The following TIMM17A variants were observed in gnomAD, a reference collection of about 807,000 sequenced individuals.
TIMM17A encodes the protein mitochondrial import inner membrane translocase subunit Tim17-A.
TIMM17A carries 15 observed loss-of-function variants against 26.5 expected under a neutral mutation model. The observed-to-expected ratio is 0.57, with a 90% CI of 0.38 to 0.87. The LOEUF is 0.87. Ranked by LOEUF, TIMM17A falls within the 40% of genes least tolerant of loss-of-function variation. The pLI is 0.00. For missense variants in TIMM17A, 201 were observed against 210.0 expected (o/e 0.96, Z 0.27); for synonymous variants, 80 against 70.8 (o/e 1.13, Z -0.66).
intron 2 of TIMM17A, 32 bp from the exon 3 acceptor site, chr1:201,957,479 T>C (rs754004257): frequency 6.2e-7 from 1 of 1,607,242 alleles, no homozygotes; most frequent in African/African-American, 1.3e-5. Flanking sequence ...ACTTCTAATA[T>C]ATTTTTTGTT....
In TIMM17A at chr1:201,960,712, C is replaced by A. The variant is rs543525035; in HGVS notation, c.191-2904C>A. ...ATTCAGATCAAGGTGCAGGGAGGGA[C>A]AGGCAGTATGGGAAAATCATAGTTG... On this transcript the variant is annotated intron_variant, in intron 3 of 5. Transcript: ENST00000367287. 3.3e-5 allele frequency among the ~76,000 whole-genome samples: 5 copies of A among 151,902 alleles called. No individual in the cohort carries two copies. In the South Asian group the frequency reaches 8.4e-4, roughly 25 times the overall value.
rs1381966359 is a variant in TIMM17A, at chr1:201,961,829, A to G, written c.191-1787A>G. On this transcript the variant is annotated intron_variant, in intron 3 of 5. Coordinates refer to ENST00000367287, the MANE Select transcript of TIMM17A (RefSeq NM_006335.3). ...GATTCATTATTTTCTTCCTTTTCAT[A>G]TGTATACCTGCCTTCTTAACCTGCT... 6.6e-5 allele frequency among the ~76,000 whole-genome samples: 10 copies of G among 152,024 alleles called. No individual in the cohort carries two copies. In the East Asian group the frequency reaches 9.7e-4, roughly 15 times the overall value.
At chr1:201,956,204 C>G (rs1050409161) in intron 1 of TIMM17A, among the ~76,000 whole-genome samples, 1 of 152,124 alleles carries the variant, frequency 6.6e-6, no homozygotes, top group Admixed American at 6.6e-5. Flanking sequence ...GACAGAAATT[C>G]ATTGTTACAT....
chr1:201,963,770 G>A (rs747595826), intron 4 of TIMM17A, 26 bp downstream of exon 4: 3 of 1,567,302 alleles, frequency 1.9e-6, no homozygotes, highest in Non-Finnish European at 2.6e-6. Context: ...AGACATACTA[G>A]TAGAAGCCAC....
rs762002104 is a variant in TIMM17A, at chr1:201,965,517, G to C, written c.404G>C (p.Arg135Thr). 3 of 1,613,716 alleles carry C rather than the reference G, an allele frequency of 1.9e-6. No homozygotes were observed. Among genetic ancestry groups the C allele is most frequent in the East Asian group, 2.2e-5 (1 of 44,900 alleles). Reference sequence around the variant, plus strand: ...GAAGGAGCTGGTATCTTGTTGACAAGATTTGCCTCTGCACAGTTTCCCAAT... The same window carrying C: ...GAAGGAGCTGGTATCTTGTTGACAACATTTGCCTCTGCACAGTTTCCCAAT... ...LIEGAGILLT[R>T]FASAQFPNGP... The change falls in exon 5 of 6, where the codon AGA becomes ACA. Residue 135 changes from arginine (R) to threonine (T), a missense_variant. Coordinates refer to ENST00000367287, the MANE Select transcript of TIMM17A (RefSeq NM_006335.3).
chr1:201,966,061 G>A (rs1266086873), intron 5 of TIMM17A, among the ~76,000 whole-genome samples: 1 of 152,184 alleles, frequency 6.6e-6, no homozygotes, highest in African/African-American at 2.4e-5. Context: ...GTCACTTTAG[G>A]GTTCACAGTA....
intron 1 of TIMM17A, 135 bp downstream of exon 1, chr1:201,955,687 CG>C: frequency 8.3e-7 from 1 of 1,205,968 alleles, no homozygotes; most frequent in Non-Finnish European, 1.2e-6. Context: ...CTGGGCAATG[CG>C]GTCTTTCGCG....
intron 3 of TIMM17A, among the ~76,000 whole-genome samples, chr1:201,959,062 C>G (rs906152319): frequency 1.3e-5 from 2 of 152,282 alleles, no homozygotes; most frequent in South Asian, 4.1e-4. Flanking sequence ...AACCCAGAAC[C>G]TCTAGTATAT....
intron 3 of TIMM17A, among the ~76,000 whole-genome samples, chr1:201,958,224 G>T (rs527658660): frequency 6.6e-6 from 1 of 152,300 alleles, no homozygotes; most frequent in African/African-American, 2.4e-5. Flanking sequence ...GAAGGATTGG[G>T]GTTTCATGCA....
chr1:201,965,100 C>T (rs1409861737), intron 4 of TIMM17A, among the ~76,000 whole-genome samples: 3 of 151,570 alleles, frequency 2.0e-5, no homozygotes, highest in Non-Finnish European at 4.4e-5. Context: ...TACAGGTGCC[C>T]GCCACCACGT....
rs191641448 is a variant in TIMM17A, at chr1:201,956,733, G to C, written c.27-548G>C. ...TCCCAGCACTTTGGAAGGCCGAGGC[G>C]GATCACGAGGTCAGGAGTTCAAGAC... On this transcript the variant is annotated intron_variant, in intron 1 of 5. Transcript: ENST00000367287. 2.3e-4 allele frequency among the ~76,000 whole-genome samples: 35 copies of C among 152,084 alleles called. No homozygotes were observed. In the East Asian group the frequency reaches 6.8e-3, roughly 29 times the overall value.
intron 3 of TIMM17A, among the ~76,000 whole-genome samples, chr1:201,961,832 T>G (rs1010630678): frequency 1.3e-5 from 2 of 152,260 alleles, no homozygotes; most frequent in Admixed American, 6.5e-5. Context: ...TTTTCATATG[T>G]ATACCTGCCT....
At chr1:201,963,571 G>T (rs1682572410) in intron 3 of TIMM17A, 45 bp from the exon 4 acceptor site, 1 of 1,572,448 alleles carries the variant, frequency 6.4e-7, no homozygotes, top group South Asian at 1.2e-5. Context: ...AATGGAAGAT[G>T]AAATTTAAAT....
Position 201,968,027 on chromosome 1 carries a change from C to T in TIMM17A, c.431-1442C>T, listed in dbSNP as rs146645862. Among the ~76,000 whole-genome samples, 753 of 151,644 alleles carry T rather than the reference C, an allele frequency of 5.0e-3. 7 individuals are homozygous for T. The highest frequency in any genetic ancestry group is 0.017 in the African/African-American group (700 of 41,348). On this transcript the variant is annotated intron_variant, in intron 5 of 5. Transcript: ENST00000367287. ...TTGTTTTGTTTTTGAGACAGAGTCT[C>T]GGTCTGTCGCCCAGGCTGGATTGCA...
rs542879341 is a variant in TIMM17A, at chr1:201,958,574, G to A, written c.190+1000G>A. Among the ~76,000 whole-genome samples, 3 of 152,292 alleles carry A rather than the reference G, an allele frequency of 2.0e-5. No individual in the cohort carries two copies. The East Asian group carries it at 5.8e-4, about 29-fold the overall frequency. The stretch of plus-strand genomic sequence containing the variant: ...AAATTAGCCAGGTGTTGGGGCATGT[G>A]CCTGTGGTCCCAGCTACTAGGGAGG... On this transcript the variant is annotated intron_variant, in intron 3 of 5. Coordinates refer to ENST00000367287, the MANE Select transcript of TIMM17A (RefSeq NM_006335.3).
intron 4 of TIMM17A, among the ~76,000 whole-genome samples, chr1:201,964,411 A>G (rs1682585983): frequency 6.6e-6 from 1 of 152,104 alleles, no homozygotes; most frequent in African/African-American, 2.4e-5. Context: ...GATCCTCAGG[A>G]CAGAGAATTC....
Position 201,963,598 on chromosome 1 carries a change from C to CT in TIMM17A, c.191-13dup, listed in dbSNP as rs764620297. On this transcript the variant is annotated splice_polypyrimidine_tract_variant and intron_variant, in intron 3 of 5. Transcript: ENST00000367287. ...AATTTAAATTAGTATTTGCTTGTTT[C>CT]TTTTTACAATAAAATAGGTAGCTTT... 42 of 1,589,254 alleles carry CT rather than the reference C, an allele frequency of 2.6e-5. 1 individual carries two copies. The South Asian group carries it at 4.8e-4, about 18-fold the overall frequency.
intron 4 of TIMM17A, among the ~76,000 whole-genome samples, chr1:201,964,635 CTTTTTTTTTTT>C (rs570309464): frequency 3.3e-5 from 3 of 90,964 alleles, no homozygotes; most frequent in African/African-American, 1.0e-4. Flanking sequence ...TATTTTATTT[CTTTTTTTTTTT>C]TTTTTTTTTT....
intron 3 of TIMM17A, among the ~76,000 whole-genome samples, chr1:201,958,411 G>C (rs1053030153): frequency 6.6e-6 from 1 of 152,252 alleles, no homozygotes; most frequent in Non-Finnish European, 1.5e-5. Context: ...ACTTACAAAG[G>C]TATAGTCAGG....
Sources: gnomAD v4.1 joint callset for allele counts (sites outside exome capture counted in the v4.1 genomes callset) on GRCh38, gnomAD v4.1.1 for gene constraint, MANE v1.5 for transcripts, NCBI Gene and HGNC (gene_info 2026-07-23, HGNC 2026-07-21) for gene names.